Variants in CACNA1D observed in about 807,000 individuals in gnomAD.
CACNA1D encodes calcium voltage-gated channel subunit alpha1 D.
A neutral mutation model predicts 257.1 loss-of-function variants in CACNA1D; 55 were observed. The ratio of observed to expected loss-of-function variants is 0.21; its 90% CI spans 0.17 to 0.27. The LOEUF is 0.27. Ranked by LOEUF, CACNA1D falls within the 10% of genes least tolerant of loss-of-function variation. The pLI is 1.00. For missense variants in CACNA1D, 1,876 were observed against 2,784.0 expected (o/e 0.67, Z 7.34); for synonymous variants, 980 against 1,014.9 (o/e 0.97, Z 0.65).
At chr3:53,624,222 A>G (rs1186634825) in intron 3 of CACNA1D, among the ~76,000 whole-genome samples, 1 of 152,204 alleles carries the variant, frequency 6.6e-6, no homozygotes, top group African/African-American at 2.4e-5. Context: ...GAGGACAGAG[A>G]TTGGATCAAC....
chr3:53,720,352 A>T (rs1186392612), intron 11 of CACNA1D, among the ~76,000 whole-genome samples: 1 of 152,252 alleles, frequency 6.6e-6, no homozygotes, highest in African/African-American at 2.4e-5. Flanking sequence ...ATCTTGAGTT[A>T]TGCAAAGGTT....
At chr3:53,786,610 T>A (rs757952353) in intron 39 of CACNA1D, 24 of 579,230 alleles carry the variant, frequency 4.1e-5, no homozygotes, top group Non-Finnish European at 7.1e-5. Context: ...TTCATTTAAC[T>A]GACACTAATT....
intron 3 of CACNA1D, among the ~76,000 whole-genome samples, chr3:53,602,893 G>T (rs193235878): frequency 1.3e-5 from 2 of 152,230 alleles, no homozygotes; most frequent in East Asian, 3.9e-4. Flanking sequence ...CTCCCATTCT[G>T]TGCATTACCT....
At chr3:53,747,534 G>A (rs772191935) in intron 26 of CACNA1D, 86 bp downstream of exon 26, 8 of 1,377,126 alleles carry the variant, frequency 5.8e-6, no homozygotes, top group Non-Finnish European at 8.3e-6. Context: ...TCCCATTTCT[G>A]TTCTCCAGTG....
intron 3 of CACNA1D, among the ~76,000 whole-genome samples, chr3:53,633,690 C>T (rs564240227): frequency 5.3e-5 from 8 of 152,190 alleles, no homozygotes; most frequent in African/African-American, 9.7e-5. Flanking sequence ...AGTGTTGGCT[C>T]CACAGACGTG....
chr3:53,696,424 A>G (rs1360580166), intron 8 of CACNA1D, among the ~76,000 whole-genome samples: 1 of 152,204 alleles, frequency 6.6e-6, no homozygotes, highest in Non-Finnish European at 1.5e-5. Flanking sequence ...TGTCTATACA[A>G]GAGGGTGATA....
intron 3 of CACNA1D, among the ~76,000 whole-genome samples, chr3:53,591,641 A>G (rs985162547): frequency 4.6e-5 from 7 of 152,154 alleles, no homozygotes; most frequent in African/African-American, 1.7e-4. Flanking sequence ...TGTCCACTCA[A>G]TGCTGTGTCG....
chr3:53,742,520 C>T (rs2095127789), intron 21 of CACNA1D, among the ~76,000 whole-genome samples: 1 of 152,142 alleles, frequency 6.6e-6, no homozygotes, highest in Admixed American at 6.5e-5. Context: ...CCATTAGGAA[C>T]AATAAGGGGC....
rs1576758056 is a variant in CACNA1D, at chr3:53,811,033, G to A, written c.6193-80G>A. ...CACACGGTGCAGTTAAGTTAGCACT[G>A]GAGTTGATTTTTCTGTCGTCCCCCT... On this transcript the variant is annotated intron_variant, in intron 47 of 47. Transcript: ENST00000350061. This position sits in a 1 kb window ranked among gnomAD's most constrained non-coding sequence, Gnocchi z 4.2. The A allele has an allele frequency of 4.7e-6, 5 of 1,063,472 alleles. No individual in the cohort carries two copies. In the East Asian group the frequency reaches 9.4e-5, roughly 20 times the overall value. 65.9% of individuals were successfully genotyped at this position (1,063,472 alleles called of 1,614,324 possible).
chr3:53,720,597 T>G (rs2094872646), intron 11 of CACNA1D, among the ~76,000 whole-genome samples: 1 of 152,200 alleles, frequency 6.6e-6, no homozygotes, highest in Admixed American at 6.5e-5. Flanking sequence ...GGGCAAAATT[T>G]TTAATAGGCA....
chr3:53,773,589 G>A (rs1339334839), intron 33 of CACNA1D: 1 of 152,292 alleles, frequency 6.6e-6, no homozygotes, highest in African/African-American at 2.4e-5. Flanking sequence ...TGTCTTTCAG[G>A]TAAAGGAGGG....
intron 30 of CACNA1D, among the ~76,000 whole-genome samples, chr3:53,768,884 TC>T (rs2095350100): frequency 6.6e-6 from 1 of 152,146 alleles, no homozygotes; most frequent in Non-Finnish European, 1.5e-5. Flanking sequence ...TGCACACATG[TC>T]CCTTAACTTT....
At chr3:53,585,258 A>G (rs1453111715) in intron 3 of CACNA1D, among the ~76,000 whole-genome samples, 1 of 152,104 alleles carries the variant, frequency 6.6e-6, no homozygotes, top group Non-Finnish European at 1.5e-5. Flanking sequence ...TCCCTGGGTC[A>G]GATTCCTCCC....
chr3:53,728,663 C>T (rs918912367), intron 15 of CACNA1D, among the ~76,000 whole-genome samples: 1 of 152,218 alleles, frequency 6.6e-6, no homozygotes, highest in Non-Finnish European at 1.5e-5. Context: ...GAGAAGTATT[C>T]CCTGGTGCTT....
chr3:53,591,010 C>A (rs2093296443), intron 3 of CACNA1D, among the ~76,000 whole-genome samples: 1 of 152,154 alleles, frequency 6.6e-6, no homozygotes, highest in Non-Finnish European at 1.5e-5. Context: ...GGACCCAGAC[C>A]TTTGAGCCTG....
At position 53,723,731 on chromosome 3, in the gene CACNA1D, G is replaced by T; in HGVS notation, c.1893-61G>T. The T allele has an allele frequency of 6.3e-7, 1 of 1,588,322 alleles. No homozygotes were observed. The highest frequency in any genetic ancestry group is 8.6e-7 in the Non-Finnish European group (1 of 1,156,582). On this transcript the variant is annotated intron_variant, in intron 13 of 47. Transcript: ENST00000350061. This position sits in a 1 kb window ranked among gnomAD's most constrained non-coding sequence, Gnocchi z 5.6. ...GGCAACCAGTCACATCCCCGGGCAG[G>T]TGATGTTCTGCTCTGTCCTGCATGG...
At chr3:53,505,355 C>T (rs1390676721) in intron 3 of CACNA1D, among the ~76,000 whole-genome samples, 2 of 151,934 alleles carry the variant, frequency 1.3e-5, no homozygotes, top group East Asian at 1.9e-4. Context: ...GTGATCTGCC[C>T]GCCTCGGCCT....
At chr3:53,615,070 G>C (rs535266096) in intron 3 of CACNA1D, among the ~76,000 whole-genome samples, 5 of 152,318 alleles carry the variant, frequency 3.3e-5, no homozygotes, top group African/African-American at 1.2e-4. Context: ...AATATGCAAA[G>C]TTGCTGCAGC....
intron 3 of CACNA1D, among the ~76,000 whole-genome samples, chr3:53,512,749 C>T (rs2091171864): frequency 6.6e-6 from 1 of 152,198 alleles, no homozygotes; most frequent in African/African-American, 2.4e-5. Flanking sequence ...AAGATTGTCT[C>T]TTTAAAGCAA....
Sources: gnomAD v4.1 joint callset for allele counts (sites outside exome capture counted in the v4.1 genomes callset) on GRCh38, gnomAD v4.1.1 for gene constraint, Gnocchi (gnomAD v3.1) non-coding constraint, MANE v1.5 for transcripts, NCBI Gene and HGNC (gene_info 2026-07-23, HGNC 2026-07-21) for gene names.